The following LHFPL3 variants were observed in gnomAD, a reference collection of about 807,000 sequenced individuals.
LHFPL3 encodes the protein LHFPL tetraspan subfamily member 3.
LHFPL3 carries 5 observed loss-of-function variants against 19.3 expected under a neutral mutation model. The ratio of observed to expected loss-of-function variants is 0.26; its 90% CI spans 0.14 to 0.54. The LOEUF (loss-of-function observed/expected upper bound fraction) is 0.54, where lower values mean the gene tolerates loss of function less well. Ranked by LOEUF, LHFPL3 falls within the 20% of genes least tolerant of loss-of-function variation. The pLI, the probability that LHFPL3 is intolerant of heterozygous loss-of-function variation, is 0.94. For synonymous variants in LHFPL3, 133 were observed against 126.2 expected, an observed-to-expected ratio of 1.05 and a Z score of -0.36; for missense variants, 249 against 307.4, an observed-to-expected ratio of 0.81 and a Z score of 1.42.
At chr7:104,568,877 G>A (rs374088677) in intron 1 of LHFPL3, among the ~76,000 whole-genome samples, 27 of 152,130 alleles carry the variant, frequency 1.8e-4, no homozygotes, top group African/African-American at 6.5e-4. Flanking sequence ...TCCCATGACT[G>A]GGCTTCTTTG....
chr7:104,804,077 G>C (rs1790307646), intron 2 of LHFPL3: 2 of 152,180 alleles, frequency 1.3e-5, no homozygotes, highest in Non-Finnish European at 2.9e-5. Context: ...AGAGGCAGCA[G>C]CTCCAGTTCC....
intron 1 of LHFPL3, among the ~76,000 whole-genome samples, chr7:104,571,959 C>T (rs1338603793): frequency 2.0e-5 from 3 of 152,120 alleles, no homozygotes; most frequent in Non-Finnish European, 4.4e-5. Context: ...ATATAAAAAC[C>T]TTCTGAAATC....
intron 2 of LHFPL3, among the ~76,000 whole-genome samples, chr7:104,768,340 C>T (rs141188042): frequency 6.6e-6 from 1 of 152,166 alleles, no homozygotes; most frequent in Non-Finnish European, 1.5e-5. Flanking sequence ...CAGAGGGCAA[C>T]GTATCATTGG....
chr7:104,587,322 A>G (rs1210366324), intron 1 of LHFPL3, among the ~76,000 whole-genome samples: 2 of 152,068 alleles, frequency 1.3e-5, no homozygotes, highest in African/African-American at 4.8e-5. Flanking sequence ...CCCTGTGTCC[A>G]AGTGTTCTCA....
At chr7:104,347,057 G>A (rs555602350) in intron 1 of LHFPL3, among the ~76,000 whole-genome samples, 1 of 151,530 alleles carries the variant, frequency 6.6e-6, no homozygotes, top group Admixed American at 6.6e-5. Flanking sequence ...TCTGTAAAAT[G>A]AGGATTAAAA....
At chr7:104,492,004 T>G (rs886546791) in intron 1 of LHFPL3, among the ~76,000 whole-genome samples, 1 of 152,176 alleles carries the variant, frequency 6.6e-6, no homozygotes, top group Non-Finnish European at 1.5e-5. Context: ...TCCAAGGAAA[T>G]GTGTGTGCAT....
At chr7:104,657,947 G>T (rs2115970614) in intron 1 of LHFPL3, among the ~76,000 whole-genome samples, 1 of 152,230 alleles carries the variant, frequency 6.6e-6, no homozygotes, top group East Asian at 1.9e-4. Context: ...TGATATGTGG[G>T]TCACCTTAAT....
At chr7:104,624,471 A>G (rs1291947452) in intron 1 of LHFPL3, among the ~76,000 whole-genome samples, 1 of 152,202 alleles carries the variant, frequency 6.6e-6, no homozygotes, top group Non-Finnish European at 1.5e-5. Flanking sequence ...AGCTCTACAG[A>G]GACTCATAGG....
intron 1 of LHFPL3, among the ~76,000 whole-genome samples, chr7:104,589,146 A>G (rs1790649406): frequency 6.6e-6 from 1 of 152,190 alleles, no homozygotes; most frequent in South Asian, 2.1e-4. Flanking sequence ...TTCCAACACT[A>G]TGTTGAATAG....
chr7:104,477,887 T>TGG (rs1265654228), intron 1 of LHFPL3, among the ~76,000 whole-genome samples: 1 of 151,906 alleles, frequency 6.6e-6, no homozygotes, highest in Non-Finnish European at 1.5e-5. Flanking sequence ...ATTAGCCAGA[T>TGG]GGGGAGGGAG....
intron 1 of LHFPL3, among the ~76,000 whole-genome samples, chr7:104,672,558 T>C (rs1392447101): frequency 2.0e-5 from 3 of 152,252 alleles, no homozygotes; most frequent in Non-Finnish European, 2.9e-5. Flanking sequence ...ACTCCTTTCC[T>C]GTGTCTTATA....
intron 1 of LHFPL3, among the ~76,000 whole-genome samples, chr7:104,495,342 G>A (rs997707777): frequency 6.6e-6 from 1 of 152,058 alleles, no homozygotes; most frequent in East Asian, 1.9e-4. Flanking sequence ...CAAGTAGCTA[G>A]GACTACAGGT....
chr7:104,374,081 C>T (rs184561875), intron 1 of LHFPL3, among the ~76,000 whole-genome samples: 5 of 152,102 alleles, frequency 3.3e-5, no homozygotes, highest in South Asian at 4.2e-4. Context: ...CCTCAGACCC[C>T]TTAGATAGGA....
intron 1 of LHFPL3, among the ~76,000 whole-genome samples, chr7:104,516,017 C>T (rs989182588): frequency 5.3e-5 from 8 of 152,050 alleles, no homozygotes; most frequent in African/African-American, 1.9e-4. Flanking sequence ...TTCCAATTTA[C>T]TGTTATTAGT....
intron 1 of LHFPL3, among the ~76,000 whole-genome samples, chr7:104,568,775 T>G (rs1790171494): frequency 6.6e-6 from 1 of 152,206 alleles, no homozygotes; most frequent in African/African-American, 2.4e-5. Context: ...AACTCACTGG[T>G]GGTGCCCTTC....
chr7:104,356,904 G>A (rs1204678001), intron 1 of LHFPL3, among the ~76,000 whole-genome samples: 1 of 152,170 alleles, frequency 6.6e-6, no homozygotes, highest in Non-Finnish European at 1.5e-5. Flanking sequence ...GGTGAGCAGC[G>A]GGCTAGCGAG....
At chr7:104,440,235 A>C (rs913245209) in intron 1 of LHFPL3, among the ~76,000 whole-genome samples, 1 of 152,038 alleles carries the variant, frequency 6.6e-6, no homozygotes, top group Non-Finnish European at 1.5e-5. Context: ...CTGCAGCCAT[A>C]AAAAAGGATG....
intron 1 of LHFPL3, among the ~76,000 whole-genome samples, chr7:104,614,623 CTTCT>C (rs2115766821): frequency 2.8e-5 from 4 of 145,454 alleles, no homozygotes; most frequent in African/African-American, 1.0e-4. Context: ...CTTCTCTTCT[CTTCT>C]CTTCTCTTCT....
chr7:104,338,093 C>CTTTT lies in LHFPL3; in HGVS notation c.445+8889_445+8892dup, dbSNP rs71296520. 6.9e-3 allele frequency among the ~76,000 whole-genome samples: 589 copies of CTTTT among 85,848 alleles called. 29 individuals are homozygous for CTTTT. The highest frequency in any genetic ancestry group is 0.022 in the African/African-American group (459 of 21,332). 56.3% of individuals were successfully genotyped at this position (85,848 alleles called of 152,430 possible). A position where few individuals can be genotyped will look rare whatever the true frequency, so the allele number is the denominator to read the frequency against. ...TTATGATACCTTTATTTTCCTTTTTCTTTTTTTTTTTTTTTTTTTTTTTGA... is the reference window on the plus strand; with the variant it reads ...TTATGATACCTTTATTTTCCTTTTTCTTTTTTTTTTTTTTTTTTTTTTTTTTTGA... On this transcript the variant is annotated intron_variant, in intron 1 of 2. Coordinates refer to ENST00000424859, the MANE Select transcript of LHFPL3 (RefSeq NM_199000.3).
Sources: gnomAD v4.1 joint callset for allele counts (sites outside exome capture counted in the v4.1 genomes callset) on GRCh38, gnomAD v4.1.1 for gene constraint, MANE v1.5 for transcripts, NCBI Gene and HGNC (gene_info 2026-07-23, HGNC 2026-07-21) for gene names.